The following SCP2 variants were observed in gnomAD, a reference collection of about 807,000 sequenced individuals.
SCP2 encodes sterol carrier protein 2.
A neutral mutation model predicts 71.4 loss-of-function variants in SCP2; 48 were observed. The ratio of observed to expected loss-of-function variants is 0.67; its 90% confidence interval spans 0.53 to 0.86. The LOEUF is 0.86. Among genes scored for constraint, SCP2 ranks in the 40% least tolerant of loss-of-function variants. SCP2 has a pLI of 0.00. For synonymous variants in SCP2, 220 were observed against 218.1 expected, an observed-to-expected ratio of 1.01 and a Z score of -0.08; for missense variants, 560 against 655.6, an observed-to-expected ratio of 0.85 and a Z score of 1.59.
intron 2 of SCP2, among the ~76,000 whole-genome samples, chr1:52,943,139 A>G (rs994410885): frequency 6.6e-6 from 1 of 151,992 alleles, no homozygotes; most frequent in East Asian, 1.9e-4. Context: ...GACTCCATGG[A>G]AAAAAAATCT....
chr1:53,015,105 G>A (rs1019003270), intron 12 of SCP2, 62 bp downstream of exon 12: 2 of 1,468,656 alleles, frequency 1.4e-6, no homozygotes, highest in East Asian at 4.5e-5. Context: ...AGTTGATGAT[G>A]TTTTACATGT....
At chr1:52,979,760 T>C (rs961794878) in intron 9 of SCP2, among the ~76,000 whole-genome samples, 3 of 152,136 alleles carry the variant, frequency 2.0e-5, no homozygotes, top group African/African-American at 7.2e-5. Context: ...GAATTCTAGG[T>C]CCTTTTTATA....
chr1:53,006,616 G>A (rs1194767730), intron 11 of SCP2, among the ~76,000 whole-genome samples: 6 of 152,138 alleles, frequency 3.9e-5, no homozygotes, highest in Non-Finnish European at 5.9e-5. Context: ...CCTTACAAGA[G>A]CTCCTGAAGG....
chr1:53,024,614 AGGCTGGAGTGCAGT>A (rs1480024815), intron 12 of SCP2, among the ~76,000 whole-genome samples: 1 of 145,154 alleles, frequency 6.9e-6, no homozygotes, highest in East Asian at 2.0e-4. Flanking sequence ...TCTGTTGCCC[AGGCTGGAGTGCAGT>A]GGCATGATCT....
intron 9 of SCP2, among the ~76,000 whole-genome samples, chr1:52,979,116 T>C (rs1572128905): frequency 6.6e-6 from 1 of 152,126 alleles, no homozygotes; most frequent in African/African-American, 2.4e-5. Context: ...AGAGGTGGAA[T>C]TTATATTTAG....
At chr1:52,981,739 T>C (rs12567474) in intron 10 of SCP2, among the ~76,000 whole-genome samples, 54,894 of 150,650 alleles carry the variant, frequency 0.36, 11,858 homozygotes, top group Admixed American at 0.49. Flanking sequence ...CTGATAATTT[T>C]TTTATGTTGA....
intron 11 of SCP2, chr1:52,993,980 GT>G (rs1659741056): frequency 7.9e-7 from 1 of 1,270,808 alleles, no homozygotes. Context: ...TACATCAAGT[GT>G]CTGTTCTTTA....
intron 11 of SCP2, among the ~76,000 whole-genome samples, chr1:53,004,387 T>G (rs1660499065): frequency 6.6e-6 from 1 of 152,212 alleles, no homozygotes. Context: ...GTCAGGCCTC[T>G]GAGCCCAAGC....
At chr1:52,941,066 C>T (rs74728094) in intron 1 of SCP2, among the ~76,000 whole-genome samples, 4,111 of 152,264 alleles carry the variant, frequency 0.027, 147 homozygotes, top group East Asian at 0.19. Flanking sequence ...ACACTTTCCA[C>T]TTTATGTTTT....
At chr1:53,016,806 G>C (rs1661371011) in intron 12 of SCP2, among the ~76,000 whole-genome samples, 1 of 152,200 alleles carries the variant, frequency 6.6e-6, no homozygotes, top group Non-Finnish European at 1.5e-5. Flanking sequence ...ATAGAATATG[G>C]AAAGATATTC....
At position 52,977,790 on chromosome 1, in the gene SCP2, G is replaced by A. The variant is rs368532910; in HGVS notation, c.675-427G>A. On this transcript the variant is annotated intron_variant, in intron 8 of 15. Coordinates refer to ENST00000371514, the MANE Select transcript of SCP2 (RefSeq NM_002979.5). ...AACCTGACCAACATGGAGAAACTCCGTCTCTACTAAAAATACAAAATTAGC... is the reference window on the plus strand; with the variant it reads ...AACCTGACCAACATGGAGAAACTCCATCTCTACTAAAAATACAAAATTAGC... 1.9e-3 allele frequency among the ~76,000 whole-genome samples: 292 copies of A among 152,146 alleles called. 1 individual carries two copies. The highest frequency in any genetic ancestry group is 3.4e-3 in the Non-Finnish European group (230 of 67,988).
intron 11 of SCP2, among the ~76,000 whole-genome samples, chr1:53,013,967 C>G (rs1189189776): frequency 7.1e-6 from 1 of 141,418 alleles, no homozygotes; most frequent in Non-Finnish European, 1.5e-5. Flanking sequence ...CCGATCTCAG[C>G]TCACTGCAAG....
chr1:52,942,565 T>TA (rs1218733897), intron 2 of SCP2, among the ~76,000 whole-genome samples: 5 of 151,598 alleles, frequency 3.3e-5, no homozygotes, highest in South Asian at 2.1e-4. Flanking sequence ...TCTCTTTTTT[T>TA]AAAAAAAGGG....
intron 5 of SCP2, among the ~76,000 whole-genome samples, chr1:52,956,902 C>CTTTT (rs370787153): frequency 5.1e-4 from 54 of 105,892 alleles, no homozygotes; most frequent in African/African-American, 1.2e-3. Flanking sequence ...CTCCTTCTGC[C>CTTTT]TTTTTTTTTT....
Position 52,947,241 on chromosome 1 carries a change from TAAAAAAAAA to T in SCP2, c.128-748_128-740del, listed in dbSNP as rs34249724. ...CAGTGACAGAGAGAGATGTTGTCCT[TAAAAAAAAA>T]AAAAAAAAAAAAAAAAAAAGAATGA... On this transcript the variant is annotated intron_variant, in intron 2 of 15. Transcript: ENST00000371514. 8.3e-4 allele frequency among the ~76,000 whole-genome samples: 45 copies of T among 54,460 alleles called. 1 individual carries two copies. The highest frequency in any genetic ancestry group is 3.1e-3 in the African/African-American group (42 of 13,704). The allele number at this position is 54,460 out of a possible 152,430, so 35.7% of individuals were successfully genotyped here.
At chr1:52,993,094 C>A in intron 11 of SCP2, 1 of 1,309,818 alleles carries the variant, frequency 7.6e-7, no homozygotes, top group African/African-American at 1.5e-5. Context: ...ACATGGTGAT[C>A]ATTTGTCTAA....
intron 1 of SCP2, among the ~76,000 whole-genome samples, chr1:52,930,843 T>C (rs1209093807): frequency 1.3e-5 from 2 of 152,228 alleles, no homozygotes; most frequent in African/African-American, 4.8e-5. Flanking sequence ...TCTTGTGCTC[T>C]TTCCATGCCA....
chr1:53,024,842 G>C (rs1662009160), intron 12 of SCP2, among the ~76,000 whole-genome samples: 1 of 151,944 alleles, frequency 6.6e-6, no homozygotes, highest in South Asian at 2.1e-4. Flanking sequence ...AAAGTGCTGG[G>C]ATTACAGGTG....
intron 12 of SCP2, among the ~76,000 whole-genome samples, chr1:53,026,916 A>G (rs1662170941): frequency 6.6e-6 from 1 of 151,534 alleles, no homozygotes; most frequent in Non-Finnish European, 1.5e-5. Context: ...AGAAAAAGAC[A>G]GATGCTTATT....
Sources: gnomAD v4.1 joint callset for allele counts (sites outside exome capture counted in the v4.1 genomes callset) on GRCh38, gnomAD v4.1.1 for gene constraint, MANE v1.5 for transcripts, NCBI Gene and HGNC (gene_info 2026-07-23, HGNC 2026-07-21) for gene names.